Variants in PSTPIP2 observed in about 807,000 individuals in gnomAD.
PSTPIP2 encodes proline-serine-threonine phosphatase-interacting protein 2.
In PSTPIP2, 33 loss-of-function variants were observed where a neutral mutation model predicts 63.3. The observed-to-expected ratio is 0.52, with a 90% confidence interval of 0.40 to 0.70. The LOEUF (loss-of-function observed/expected upper bound fraction) is 0.70. Ranked by LOEUF, PSTPIP2 falls within the 30% of genes least tolerant of loss-of-function variation. PSTPIP2 has a pLI of 0.00. For missense variants in PSTPIP2, 312 were observed against 400.7 expected (o/e 0.78, Z 1.89); for synonymous variants, 125 against 132.7 (o/e 0.94, Z 0.40).
At chr18:46,042,271 C>A (rs1313820229) in intron 1 of PSTPIP2, among the ~76,000 whole-genome samples, 1 of 152,146 alleles carries the variant, frequency 6.6e-6, no homozygotes, top group Admixed American at 6.5e-5. Context: ...TCCATACATA[C>A]CCCTCTGTCT....
At chr18:46,035,417 C>CT (rs1200799991) in intron 2 of PSTPIP2, among the ~76,000 whole-genome samples, 4 of 39,058 alleles carry the variant, frequency 1.0e-4, no homozygotes, top group African/African-American at 2.3e-4. Context: ...GAGACTCTGT[C>CT]TTAAAAAAAA....
intron 1 of PSTPIP2, among the ~76,000 whole-genome samples, chr18:46,043,151 C>T (rs1351295835): frequency 2.0e-5 from 3 of 148,114 alleles, no homozygotes; most frequent in Admixed American, 1.4e-4. Context: ...TTTGGGAGGC[C>T]GAGGCGGGAG....
chr18:46,072,239 G>A lies in PSTPIP2; in HGVS notation c.-51C>T. The A allele has an allele frequency of 6.6e-7, 1 of 1,521,196 alleles. No homozygotes were observed. Among genetic ancestry groups the A allele is most frequent in the Admixed American group, 2.1e-5 (1 of 47,750 alleles). 94.2% of individuals were successfully genotyped at this position (1,521,196 alleles called of 1,614,324 possible). ...AGAGCCGGGCCGCAGGTAGCACAGA[G>A]CGGGGAGGCCTGACTGCCACTGCCC... On this transcript the variant is annotated 5_prime_UTR_variant, in exon 1 of 15. Coordinates refer to ENST00000409746, the MANE Select transcript of PSTPIP2 (RefSeq NM_024430.4).
At chr18:46,053,204 C>T (rs1908641259) in intron 1 of PSTPIP2, among the ~76,000 whole-genome samples, 1 of 152,098 alleles carries the variant, frequency 6.6e-6, no homozygotes, top group Admixed American at 6.6e-5. Context: ...ATAAAACTGA[C>T]ATTTTGTGTT....
intron 2 of PSTPIP2, among the ~76,000 whole-genome samples, chr18:46,031,346 A>C (rs1186583233): frequency 3.3e-5 from 5 of 152,074 alleles, no homozygotes; most frequent in African/African-American, 9.7e-5. Flanking sequence ...TTGCTCTGAG[A>C]CCATGCAAGT....
chr18:46,065,144 CAAA>C lies in PSTPIP2; in HGVS notation c.33+7009_33+7011del, dbSNP rs35144990. 9.3e-3 allele frequency among the ~76,000 whole-genome samples: 751 copies of C among 80,778 alleles called. 2 individuals carry two copies. Among genetic ancestry groups the C allele is most frequent in the African/African-American group, 0.031 (699 of 22,854 alleles). The allele number at this position is 80,778 out of a possible 152,430, so 53.0% of individuals were successfully genotyped here. A position where few individuals can be genotyped will look rare whatever the true frequency, so the allele number is the denominator to read the frequency against. On this transcript the variant is annotated intron_variant, in intron 1 of 14. Coordinates refer to ENST00000409746, the MANE Select transcript of PSTPIP2 (RefSeq NM_024430.4). The stretch of plus-strand genomic sequence containing the variant: ...GGGCAACAAGAACGAAACTCTGTCT[CAAA>C]AAAAAAAAAAAAAAAAAGAAAAGAA...
At chr18:46,047,760 A>T (rs1471361178) in intron 1 of PSTPIP2, among the ~76,000 whole-genome samples, 4 of 152,214 alleles carry the variant, frequency 2.6e-5, no homozygotes, top group Admixed American at 1.3e-4. Flanking sequence ...GTTGGGAAAA[A>T]ATTTTAATCA....
intron 5 of PSTPIP2, 86 bp from the exon 6 acceptor site, chr18:46,005,617 G>A: frequency 9.8e-7 from 1 of 1,025,486 alleles, no homozygotes; most frequent in South Asian, 1.7e-5. Flanking sequence ...AGCTTATCTT[G>A]AGGGTTAAGT....
At chr18:46,003,754 GTT>G (rs61114152) in intron 6 of PSTPIP2, among the ~76,000 whole-genome samples, 12 of 130,380 alleles carry the variant, frequency 9.2e-5, no homozygotes, top group African/African-American at 1.2e-4. Flanking sequence ...CCCTTTCAGA[GTT>G]TTTTTTTTTT....
chr18:46,020,798 T>C (rs915478156), intron 3 of PSTPIP2, among the ~76,000 whole-genome samples: 1 of 152,206 alleles, frequency 6.6e-6, no homozygotes, highest in Non-Finnish European at 1.5e-5. Context: ...CTCTCTGAGG[T>C]ATACTCTTAG....
chr18:46,054,243 T>G (rs981672685), intron 1 of PSTPIP2, among the ~76,000 whole-genome samples: 2 of 152,176 alleles, frequency 1.3e-5, no homozygotes, highest in African/African-American at 4.8e-5. Flanking sequence ...ATATGCAGTC[T>G]CTTGTTGACC....
chr18:46,017,899 T>A (rs2051868834), intron 3 of PSTPIP2, among the ~76,000 whole-genome samples: 2 of 152,186 alleles, frequency 1.3e-5, no homozygotes, highest in African/African-American at 4.8e-5. Flanking sequence ...TTGATCAACA[T>A]TTCCCCAAAC....
At chr18:46,000,715 T>C (rs16978508) in intron 6 of PSTPIP2, among the ~76,000 whole-genome samples, 23,763 of 152,268 alleles carry the variant, frequency 0.16, 2,443 homozygotes, top group East Asian at 0.38. Context: ...AGTTTAAACG[T>C]AGGCCATGGT....
chr18:46,063,469 A>C (rs12955201), intron 1 of PSTPIP2, among the ~76,000 whole-genome samples: 64,394 of 151,940 alleles, frequency 0.42, 14,868 homozygotes, highest in Middle Eastern at 0.56. Context: ...AAAGCTGAAT[A>C]ATTTGAACAC....
intron 1 of PSTPIP2, among the ~76,000 whole-genome samples, chr18:46,067,444 A>G (rs1275067299): frequency 3.3e-5 from 5 of 150,000 alleles, no homozygotes; most frequent in African/African-American, 9.8e-5. Flanking sequence ...CAGAGCTTGC[A>G]GTGACCCGAG....
chr18:46,071,309 C>T (rs1402281621), intron 1 of PSTPIP2, among the ~76,000 whole-genome samples: 3 of 152,156 alleles, frequency 2.0e-5, no homozygotes, highest in Non-Finnish European at 2.9e-5. Context: ...TTTGCAGCCT[C>T]CTGCTCCTGT....
At chr18:45,985,580 T>A in intron 14 of PSTPIP2, 130 bp from the exon 15 acceptor site, 1 of 803,996 alleles carries the variant, frequency 1.2e-6, no homozygotes. Flanking sequence ...GAATGGGTAT[T>A]CCAAGCAATG....
At chr18:46,023,861 C>CACAT (rs1272579308) in intron 3 of PSTPIP2, among the ~76,000 whole-genome samples, 1 of 151,744 alleles carries the variant, frequency 6.6e-6, no homozygotes, top group Non-Finnish European at 1.5e-5. Context: ...TACACACACA[C>CACAT]ACATATACAC....
intron 6 of PSTPIP2, among the ~76,000 whole-genome samples, chr18:46,000,713 C>T (rs752832132): frequency 1.3e-5 from 2 of 152,190 alleles, no homozygotes; most frequent in Non-Finnish European, 2.9e-5. Context: ...GTAGTTTAAA[C>T]GTAGGCCATG....
Sources: allele counts gnomAD v4.1 joint callset (sites outside exome capture counted in the v4.1 genomes callset), GRCh38; gene constraint gnomAD v4.1.1; transcripts MANE v1.5; gene names NCBI Gene and HGNC (gene_info 2026-07-23, HGNC 2026-07-21).